The following POLR3B variants were observed in gnomAD, a reference collection of about 807,000 sequenced individuals.
The protein encoded by POLR3B is DNA-directed RNA polymerase III subunit RPC2.
In POLR3B, 96 loss-of-function variants were observed where a neutral mutation model predicts 147.4. That is an observed-to-expected ratio of 0.65 (90% CI 0.55 to 0.77). The LOEUF is 0.77. Among genes scored for constraint, POLR3B ranks in the 30% least tolerant of loss-of-function variants. POLR3B has a pLI of 0.00. For missense variants in POLR3B, 1,036 were observed against 1,413.5 expected, an observed-to-expected ratio of 0.73 and a Z score of 4.28; for synonymous variants, 461 against 485.9, an observed-to-expected ratio of 0.95 and a Z score of 0.67.
intron 16 of POLR3B, among the ~76,000 whole-genome samples, chr12:106,435,385 T>G (rs2037564044): frequency 1.3e-5 from 2 of 152,098 alleles, no homozygotes; most frequent in African/African-American, 4.8e-5. Flanking sequence ...CCTCAAGTGA[T>G]CCACCCACCT....
At chr12:106,429,964 G>A (rs543398045) in intron 13 of POLR3B, among the ~76,000 whole-genome samples, 1 of 152,162 alleles carries the variant, frequency 6.6e-6, no homozygotes, top group Non-Finnish European at 1.5e-5. Flanking sequence ...GAAATCTCTG[G>A]TTGAACTGGC....
In POLR3B at chr12:106,373,014, C is replaced by T. The variant is rs1298593133; in HGVS notation, c.404+3331C>T. On this transcript the variant is annotated intron_variant, in intron 6 of 27. Transcript: ENST00000228347. Reference sequence around the variant, plus strand: ...GTCAATTTTTGGAACTTTGTAGAGACCTGTTTCTATAAATGTTTCATGTTT... The same window carrying T: ...GTCAATTTTTGGAACTTTGTAGAGATCTGTTTCTATAAATGTTTCATGTTT... Among the ~76,000 whole-genome samples, 3 of 152,160 alleles carry T rather than the reference C, an allele frequency of 2.0e-5. No individual in the cohort carries two copies. In the East Asian group the frequency reaches 5.8e-4, roughly 29 times the overall value.
intron 10 of POLR3B, among the ~76,000 whole-genome samples, chr12:106,399,022 A>G (rs1289872636): frequency 6.6e-6 from 1 of 152,176 alleles, no homozygotes; most frequent in Non-Finnish European, 1.5e-5. Context: ...GCTTCACACG[A>G]TCAAACTACT....
intron 18 of POLR3B, among the ~76,000 whole-genome samples, chr12:106,440,918 ATTAAT>A (rs1395124422): frequency 6.6e-6 from 1 of 152,194 alleles, no homozygotes; most frequent in Non-Finnish European, 1.5e-5. Context: ...CATACATCAA[ATTAAT>A]TTCATTTAAA....
intron 9 of POLR3B, among the ~76,000 whole-genome samples, chr12:106,382,353 C>T (rs866253018): frequency 1.3e-5 from 2 of 152,176 alleles, no homozygotes; most frequent in Non-Finnish European, 1.5e-5. Context: ...TCCTGCCTAA[C>T]TATTAGGGTC....
chr12:106,397,189 C>T (rs560796152), intron 10 of POLR3B, among the ~76,000 whole-genome samples: 1 of 150,952 alleles, frequency 6.6e-6, no homozygotes, highest in East Asian at 1.9e-4. Context: ...CTTCTTTAAA[C>T]ATTGTTGATT....
chr12:106,498,086 T>A (rs2038525437), intron 25 of POLR3B, among the ~76,000 whole-genome samples: 1 of 152,166 alleles, frequency 6.6e-6, no homozygotes, highest in South Asian at 2.1e-4. Context: ...CAAGTACATA[T>A]AGCTCTCACC....
chr12:106,494,509 T>C (rs1201498717), intron 23 of POLR3B, among the ~76,000 whole-genome samples: 2 of 152,218 alleles, frequency 1.3e-5, no homozygotes, highest in African/African-American at 2.4e-5. Flanking sequence ...CCTTTAGGGA[T>C]TGCCATTTTT....
At chr12:106,398,063 CAG>C (rs1245856612) in intron 10 of POLR3B, among the ~76,000 whole-genome samples, 3 of 152,240 alleles carry the variant, frequency 2.0e-5, no homozygotes, top group South Asian at 2.1e-4. Flanking sequence ...CACAAGGGGT[CAG>C]GGAATTCCCT....
chr12:106,426,979 GTCA>G (rs749043592), intron 12 of POLR3B, among the ~76,000 whole-genome samples: 1 of 151,424 alleles, frequency 6.6e-6, no homozygotes, highest in Non-Finnish European at 1.5e-5. Flanking sequence ...CAGTGAGTAT[GTCA>G]TCATCTTTGC....
intron 7 of POLR3B, 35 bp downstream of exon 7, chr12:106,376,485 T>C (rs376669463): frequency 3.0e-6 from 4 of 1,311,714 alleles, no homozygotes; most frequent in Non-Finnish European, 4.4e-6. Context: ...CCCACTTTCC[T>C]TATTCTTTTA....
rs906751123 is a variant in POLR3B at position 106,509,534 on chromosome 12, C to G, written c.3387C>G (p.Ser1129=). Residue 1129 remains serine (S), a synonymous_variant, in exon 28 of 28, where the codon TCC becomes TCG. Coordinates refer to ENST00000228347, the MANE Select transcript of POLR3B (RefSeq NM_018082.6). ...ACATCATCCCCAGGTTAAAACTGTCCAAGTACAATGAATGAGGATGGAAAA... is the reference window on the plus strand; with the variant it reads ...ACATCATCCCCAGGTTAAAACTGTCGAAGTACAATGAATGAGGATGGAAAA... ...SMNIIPRLKL[S]KYNE 2 of 1,612,104 alleles carry G rather than the reference C, an allele frequency of 1.2e-6. No individual in the cohort carries two copies. The highest frequency in any genetic ancestry group is 2.7e-5 in the African/African-American group (2 of 74,844).
rs564316643 is a variant in POLR3B, at chr12:106,498,582, G to GTTTT, written c.2984+1669_2984+1672dup. Among the ~76,000 whole-genome samples the GTTTT allele has an allele frequency of 3.8e-4, 56 of 147,804 alleles. 2 individuals carry two copies. Among genetic ancestry groups the GTTTT allele is most frequent in the Non-Finnish European group, 3.9e-4 (26 of 66,860 alleles). ...GAGTTTTTTTTGTTTTTTGGGGTTTGTTTTTTTTGTTTTTTTGAGACAGAG... is the reference window on the plus strand; with the variant it reads ...GAGTTTTTTTTGTTTTTTGGGGTTTGTTTTTTTTTTTTGTTTTTTTGAGACAGAG... On this transcript the variant is annotated intron_variant, in intron 25 of 27. Transcript: ENST00000228347.
chr12:106,436,219 C>T (rs966026387), intron 16 of POLR3B, among the ~76,000 whole-genome samples: 5 of 152,194 alleles, frequency 3.3e-5, no homozygotes, highest in Admixed American at 1.3e-4. Flanking sequence ...GGGTAGAGCG[C>T]ACAAGTGTCT....
intron 4 of POLR3B, among the ~76,000 whole-genome samples, chr12:106,368,208 G>T (rs1316667019): frequency 6.6e-6 from 1 of 151,312 alleles, no homozygotes; most frequent in African/African-American, 2.4e-5. Flanking sequence ...CGTAAGATAT[G>T]GTTCATCTGG....
intron 14 of POLR3B, 27 bp downstream of exon 14, chr12:106,430,500 T>C (rs796989286): frequency 1.3e-6 from 2 of 1,580,172 alleles, no homozygotes; most frequent in African/African-American, 2.7e-5. Flanking sequence ...GTCTTGATGC[T>C]GTGTAAGAGG....
chr12:106,424,097 ACCCG>A (rs1452829628), intron 12 of POLR3B, among the ~76,000 whole-genome samples: 56 of 151,522 alleles, frequency 3.7e-4, no homozygotes, highest in African/African-American at 1.3e-3. Context: ...CTCATGATCC[ACCCG>A]CCTCAGCCTC....
intron 19 of POLR3B, chr12:106,446,271 C>G: frequency 2.2e-6 from 1 of 455,994 alleles, no homozygotes; most frequent in South Asian, 1.5e-5. Flanking sequence ...GAAGACTAAT[C>G]ACTTCATCGC....
chr12:106,440,263 A>G (rs945808116), intron 18 of POLR3B, among the ~76,000 whole-genome samples: 20 of 152,076 alleles, frequency 1.3e-4, no homozygotes, highest in African/African-American at 4.8e-4. Flanking sequence ...ACTCTTTTTC[A>G]CTACCTCAAT....
Sources: gnomAD v4.1 joint callset for allele counts (sites outside exome capture counted in the v4.1 genomes callset) on GRCh38, gnomAD v4.1.1 for gene constraint, MANE v1.5 for transcripts, NCBI Gene and HGNC (gene_info 2026-07-23, HGNC 2026-07-21) for gene names.